URM1: variants seen among roughly 807,000 people sequenced by gnomAD.
URM1 encodes ubiquitin related modifier 1, also known as ubiquitin-related modifier 1.
In URM1, 11 loss-of-function variants were observed where a neutral mutation model predicts 17.7. The ratio of observed to expected loss-of-function variants is 0.62; its 90% CI spans 0.39 to 1.03. The LOEUF is 1.03. Among genes scored for constraint, URM1 ranks in the 50% least tolerant of loss-of-function variants. The pLI is 0.00. For missense variants in URM1, 128 were observed against 129.2 expected (o/e 0.99, Z 0.04); for synonymous variants, 48 against 50.6 (o/e 0.95, Z 0.22).
In URM1 at chr9:128,387,364, A is replaced by G. The variant is rs540839217; in HGVS notation, c.107-452A>G. On this transcript the variant is annotated intron_variant, in intron 2 of 4. Coordinates refer to ENST00000372853, the MANE Select transcript of URM1 (RefSeq NM_030914.4). This position sits in a 1 kb window ranked among gnomAD's most constrained non-coding sequence, Gnocchi z 4.3. ...AAGGGAAATATATGCAGACCCCTCC[A>G]AGAGCAAAGCCGAATCCTCCCCATC... 6.6e-6 allele frequency among the ~76,000 whole-genome samples: 1 copy of G among 152,358 alleles called. No individual in the cohort carries two copies. Among genetic ancestry groups the G allele is most frequent in the East Asian group, 1.9e-4 (1 of 5,190 alleles).
At chr9:128,380,710 G>A (rs1482092485) in intron 2 of URM1, among the ~76,000 whole-genome samples, 1 of 149,512 alleles carries the variant, frequency 6.7e-6, no homozygotes, top group African/African-American at 2.5e-5. Context: ...GTCTCAGCGC[G>A]CTGCAACCCC....
At chr9:128,377,278 G>C (rs970352675) in intron 1 of URM1, among the ~76,000 whole-genome samples, 5 of 152,194 alleles carry the variant, frequency 3.3e-5, no homozygotes, top group Admixed American at 1.3e-4. Context: ...TGTAATCCCA[G>C]TGCTTTGGGA....
intron 1 of URM1, among the ~76,000 whole-genome samples, chr9:128,373,507 G>C (rs1283653210): frequency 2.0e-5 from 3 of 152,082 alleles, no homozygotes; most frequent in African/African-American, 7.2e-5. Flanking sequence ...GGCCCCACCA[G>C]CTCCTCCAGA....
chr9:128,378,190 T>C (rs1833103476), intron 2 of URM1, 84 bp downstream of exon 2: 1 of 942,248 alleles, frequency 1.1e-6, no homozygotes, highest in East Asian at 2.7e-5. Context: ...CGTTCAGGCC[T>C]GTGTTCTGCA....
chr9:128,377,904 G>A (rs1359742210), intron 1 of URM1, 132 bp from the exon 2 acceptor site: 1 of 819,076 alleles, frequency 1.2e-6, no homozygotes. Context: ...TGCACCCAAG[G>A]TGTTTCTGCA....
rs141530921 is a variant in URM1, at chr9:128,373,935, C to A, written c.35+2520C>A. On this transcript the variant is annotated intron_variant, in intron 1 of 4. Transcript: ENST00000372853. ...ATACGTGTATATGTATGTGTATATA[C>A]AGAAGATTAAAAGATGAAGATACAT... 7.6e-3 allele frequency among the ~76,000 whole-genome samples: 1,152 copies of A among 152,124 alleles called. 17 individuals are homozygous for A. Among genetic ancestry groups the A allele is most frequent in the African/African-American group, 0.026 (1,078 of 41,466 alleles).
At chr9:128,371,869 G>A (rs1833018438) in intron 1 of URM1, among the ~76,000 whole-genome samples, 1 of 152,176 alleles carries the variant, frequency 6.6e-6, no homozygotes, top group Non-Finnish European at 1.5e-5. Context: ...TGGCCAGGGC[G>A]GGACTTTTTT....
intron 2 of URM1, among the ~76,000 whole-genome samples, chr9:128,385,359 C>A (rs910985506): frequency 6.6e-6 from 1 of 152,200 alleles, no homozygotes; most frequent in African/African-American, 2.4e-5. Flanking sequence ...CCCCTGCTGA[C>A]CTCTAGCTCC....
At chr9:128,380,363 A>T (rs1471345358) in intron 2 of URM1, among the ~76,000 whole-genome samples, 2 of 152,080 alleles carry the variant, frequency 1.3e-5, no homozygotes, top group Non-Finnish European at 2.9e-5. Context: ...GTCACTGCCC[A>T]CATTGAGCTG....
rs1400392135 is a variant in URM1, at chr9:128,391,426, A to G, written c.*1692A>G. ...GCTGGTCTGGGTGCAAATTAAGGCCAGTGTTGGGGTCTGAGTGCTGTCCAG... is the reference window on the plus strand; with the variant it reads ...GCTGGTCTGGGTGCAAATTAAGGCCGGTGTTGGGGTCTGAGTGCTGTCCAG... On this transcript the variant is annotated 3_prime_UTR_variant, in exon 5 of 5. Transcript: ENST00000372853. 6.6e-6 allele frequency: 1 copy of G among 152,344 alleles called. No individual in the cohort carries two copies. Among genetic ancestry groups the G allele is most frequent in the Non-Finnish European group, 1.5e-5 (1 of 68,218 alleles). The allele number at this position is 152,344 out of a possible 1,614,324, so 9.4% of individuals were successfully genotyped here. A position where few individuals can be genotyped will look rare whatever the true frequency, so the allele number is the denominator to read the frequency against.
chr9:128,388,032 G>A, intron 3 of URM1, 135 bp downstream of exon 3: 1 of 1,403,160 alleles, frequency 7.1e-7, no homozygotes, highest in Non-Finnish European at 9.3e-7. Flanking sequence ...CCAGCTCTGA[G>A]ATCTGTTTTC....
chr9:128,386,815 C>T (rs754473141), intron 2 of URM1, among the ~76,000 whole-genome samples: 9 of 152,346 alleles, frequency 5.9e-5, no homozygotes, highest in Middle Eastern at 3.4e-3. Context: ...CCCCTCTGGA[C>T]GCTGACTCGG....
chr9:128,381,844 A>T (rs1833163508), intron 2 of URM1, among the ~76,000 whole-genome samples: 1 of 152,280 alleles, frequency 6.6e-6, no homozygotes, highest in African/African-American at 2.4e-5. Context: ...CCACTAACCC[A>T]TCACCGTCTA....
At chr9:128,386,042 C>T (rs1357548084) in intron 2 of URM1, among the ~76,000 whole-genome samples, 1 of 152,210 alleles carries the variant, frequency 6.6e-6, no homozygotes, top group Non-Finnish European at 1.5e-5. Context: ...TCCCCCACCC[C>T]CAGGCCTATC....
rs372448639 is a variant in URM1, at chr9:128,389,264, G to A, written c.192G>A (p.Arg64=). 37 of 1,597,654 alleles carry A rather than the reference G, an allele frequency of 2.3e-5. No individual in the cohort carries two copies. The African/African-American group carries it at 3.9e-4, about 17-fold the overall frequency. ...PELFIQGDSV[R]PGILVLINDA... Reference sequence around the variant, plus strand: ...CTCACCACCATCTTTCCCACAGGCGGCCAGGAATTCTGGTGCTGATTAACG... The same window carrying A: ...CTCACCACCATCTTTCCCACAGGCGACCAGGAATTCTGGTGCTGATTAACG... The change falls in exon 4 of 5, where the codon CGG becomes CGA. Residue 64 remains arginine, a synonymous_variant. Transcript: ENST00000372853.
At chr9:128,379,914 A>T (rs1186632528) in intron 2 of URM1, among the ~76,000 whole-genome samples, 7 of 152,120 alleles carry the variant, frequency 4.6e-5, no homozygotes, top group Non-Finnish European at 2.9e-5. Flanking sequence ...GGAGTTTGAG[A>T]CCAGCCTGGG....
intron 1 of URM1, among the ~76,000 whole-genome samples, chr9:128,377,655 G>T (rs1833095343): frequency 6.6e-6 from 1 of 152,146 alleles, no homozygotes; most frequent in Admixed American, 6.6e-5. Flanking sequence ...GGGCAACAGA[G>T]TGAGACTAAA....
At chr9:128,379,757 G>T (rs1430124625) in intron 2 of URM1, among the ~76,000 whole-genome samples, 1 of 148,342 alleles carries the variant, frequency 6.7e-6, no homozygotes, top group African/African-American at 2.5e-5. Flanking sequence ...GCCGAATCAT[G>T]CCACTGCACT....
Position 128,390,840 on chromosome 9 carries a change from C to T in URM1, c.*1106C>T, listed in dbSNP as rs1262510501. 2 of 152,602 alleles carry T rather than the reference C, an allele frequency of 1.3e-5. No homozygotes were observed. The highest frequency in any genetic ancestry group is 2.9e-5 in the Non-Finnish European group (2 of 68,190). The allele number at this position is 152,602 out of a possible 1,614,324, so 9.5% of individuals were successfully genotyped here. ...CCTCAGCCTAGGGCCTCAGAGCTAC[C>T]CTTCACCCAAAAGAGGGGTGGGGGT... On this transcript the variant is annotated 3_prime_UTR_variant, in exon 5 of 5. Transcript: ENST00000372853.
Sources: gnomAD v4.1 joint callset for allele counts (sites outside exome capture counted in the v4.1 genomes callset) on GRCh38, gnomAD v4.1.1 for gene constraint, Gnocchi (gnomAD v3.1) non-coding constraint, MANE v1.5 for transcripts, NCBI Gene and HGNC (gene_info 2026-07-23, HGNC 2026-07-21) for gene names.